Variants in RAI1 observed in about 807,000 individuals in gnomAD.
The protein encoded by RAI1 is retinoic acid-induced protein 1.
In RAI1, 9 loss-of-function variants were observed where a neutral mutation model predicts 123.8. The observed-to-expected ratio is 0.07, with a 90% CI of 0.04 to 0.13. RAI1 has a LOEUF of 0.13. Among genes scored for constraint, RAI1 ranks in the 10% least tolerant of loss-of-function variants. The probability of loss-of-function intolerance (pLI) is 1.00; values close to 1 mark genes in which losing one functional copy is unlikely to be tolerated. For synonymous variants in RAI1, 1,231 were observed against 1,127.3 expected (o/e 1.09, Z -1.84); for missense variants, 2,256 against 2,545.8 (o/e 0.89, Z 2.45).
At position 17,809,266 on chromosome 17, in the gene RAI1, G is replaced by A. The variant is rs2032657079; in HGVS notation, c.5660-124G>A. The A allele has an allele frequency of 1.2e-6, 1 of 854,448 alleles. No individual in the cohort carries two copies. Among genetic ancestry groups the A allele is most frequent in the Non-Finnish European group, 2.0e-6 (1 of 496,498 alleles). The allele number at this position is 854,448 out of a possible 1,614,324, so 52.9% of individuals were successfully genotyped here. On this transcript the variant is annotated intron_variant, in intron 4 of 5. Coordinates refer to ENST00000353383, the MANE Select transcript of RAI1 (RefSeq NM_030665.4). This position sits in a 1 kb window ranked among gnomAD's most constrained non-coding sequence, Gnocchi z 4.9. ...TTGTGCAGAATCTGATTAACTCTTT[G>A]AAAAGAGCCCCTGCAGTCTGGAGCC...
intron 2 of RAI1, among the ~76,000 whole-genome samples, chr17:17,725,009 G>A (rs1916035594): frequency 6.6e-6 from 1 of 152,142 alleles, no homozygotes; most frequent in African/African-American, 2.4e-5. Context: ...GGGGAGTGGG[G>A]TGGGGAGGAG....
Position 17,799,657 on chromosome 17 carries a change from CAG to C in RAI1, c.5565+1145_5565+1146del, listed in dbSNP as rs1030171385. Among the ~76,000 whole-genome samples the C allele has an allele frequency of 6.6e-6, 1 of 152,192 alleles. No individual in the cohort carries two copies. The highest frequency in any genetic ancestry group is 2.4e-5 in the African/African-American group (1 of 41,448). On this transcript the variant is annotated intron_variant, in intron 3 of 5. Transcript: ENST00000353383. This position sits in a 1 kb window ranked among gnomAD's most constrained non-coding sequence, Gnocchi z 4.5. ...AACCCACTATGTGCGGCTGAGGTCA[CAG>C]GGGAGCCAGAGGGGCTTGGCAGGGG...
At chr17:17,694,483 A>C (rs944680000) in intron 1 of RAI1, among the ~76,000 whole-genome samples, 1 of 152,032 alleles carries the variant, frequency 6.6e-6, no homozygotes, top group Non-Finnish European at 1.5e-5. Flanking sequence ...CCTCGAGGAA[A>C]GGCATAGGTA....
intron 2 of RAI1, among the ~76,000 whole-genome samples, chr17:17,743,453 G>A (rs935869333): frequency 2.6e-5 from 4 of 152,232 alleles, no homozygotes; most frequent in Admixed American, 6.5e-5. Flanking sequence ...AGGAACACAC[G>A]GTTCCAGAGG....
In RAI1 at chr17:17,809,099, G is replaced by C; in HGVS notation, c.5660-291G>C. On this transcript the variant is annotated intron_variant, in intron 4 of 5. Transcript: ENST00000353383. This position sits in a 1 kb window ranked among gnomAD's most constrained non-coding sequence, Gnocchi z 4.9. ...CAGAGTAAGGCGGGAGGGAGGGAGGGACTGAGGGACTGCCTCAAGTGAGGA... is the reference window on the plus strand; with the variant it reads ...CAGAGTAAGGCGGGAGGGAGGGAGGCACTGAGGGACTGCCTCAAGTGAGGA... 2.0e-6 allele frequency: 1 copy of C among 507,634 alleles called. No individual in the cohort carries two copies. The highest frequency in any genetic ancestry group is 3.6e-6 in the Non-Finnish European group (1 of 277,030). 31.4% of individuals were successfully genotyped at this position (507,634 alleles called of 1,614,324 possible). A position where few individuals can be genotyped will look rare whatever the true frequency, so the allele number is the denominator to read the frequency against.
intron 1 of RAI1, among the ~76,000 whole-genome samples, chr17:17,694,383 C>A (rs1816167890): frequency 6.6e-6 from 1 of 152,014 alleles, no homozygotes; most frequent in Non-Finnish European, 1.5e-5. Context: ...GAGGGAGGGG[C>A]ATCTTTTCTG....
chr17:17,721,577 A>G (rs1433862120), intron 1 of RAI1, among the ~76,000 whole-genome samples: 3 of 152,212 alleles, frequency 2.0e-5, no homozygotes, highest in Non-Finnish European at 4.4e-5. Flanking sequence ...GTGGGCTGTC[A>G]TCAACCACCT....
At chr17:17,766,793 GGT>G (rs541110012) in intron 2 of RAI1, among the ~76,000 whole-genome samples, 63 of 152,368 alleles carry the variant, frequency 4.1e-4, no homozygotes, top group African/African-American at 1.5e-3. Flanking sequence ...AGACAGCAAA[GGT>G]GTGGAGGCAG....
rs1434084074 is a variant in RAI1, at chr17:17,795,418, G to A, written c.2470G>A (p.Gly824Arg). Residue 824 changes from glycine to arginine, a missense_variant, in exon 3 of 6, where the codon GGG becomes AGG. Physicochemically the swap from Gly to Arg is moderately radical, Grantham distance 125. Around this residue, in one of 7 missense-constraint regions of RAI1, gnomAD observed 566 missense variants for 616.0 expected, o/e 0.92. Coordinates refer to ENST00000353383, the MANE Select transcript of RAI1 (RefSeq NM_030665.4). This position sits in a 1 kb window ranked among gnomAD's most constrained non-coding sequence, Gnocchi z 5.9. ...GGGTGGGGTGAAGGAGGAGGCAGGT[G>A]GGCTGCTGCAGTGCCCCGAGGTGGC... ...EVGGVKEEAG[G>R]LLQCPEVAKA... 1 of 1,590,564 alleles carries A rather than the reference G, an allele frequency of 6.3e-7. No individual in the cohort carries two copies. Among genetic ancestry groups the A allele is most frequent in the Non-Finnish European group, 8.6e-7 (1 of 1,166,298 alleles).
intron 1 of RAI1, among the ~76,000 whole-genome samples, chr17:17,713,414 C>T (rs1179688612): frequency 6.6e-6 from 1 of 152,048 alleles, no homozygotes; most frequent in African/African-American, 2.4e-5. Flanking sequence ...CCGAGGTGCA[C>T]GGATCACCTG....
chr17:17,784,259 C>T (rs2031738392), intron 2 of RAI1, among the ~76,000 whole-genome samples: 2 of 152,192 alleles, frequency 1.3e-5, no homozygotes, highest in Admixed American at 6.5e-5. Context: ...GCTGTGCCTC[C>T]CCGGCTGTCA....
At chr17:17,768,501 G>A (rs1162723072) in intron 2 of RAI1, among the ~76,000 whole-genome samples, 2 of 152,200 alleles carry the variant, frequency 1.3e-5, no homozygotes, top group African/African-American at 4.8e-5. Flanking sequence ...TTGGTTCAGA[G>A]GAGAACAGTA....
chr17:17,757,228 G>A (rs987215391), intron 2 of RAI1, among the ~76,000 whole-genome samples: 1 of 152,210 alleles, frequency 6.6e-6, no homozygotes, highest in Non-Finnish European at 1.5e-5. Flanking sequence ...CCCTGGGCCT[G>A]GCTTCTCTGG....
At chr17:17,780,255 G>A (rs1158240902) in intron 2 of RAI1, among the ~76,000 whole-genome samples, 2 of 151,832 alleles carry the variant, frequency 1.3e-5, no homozygotes, top group South Asian at 2.1e-4. Context: ...TAGTAGAGAC[G>A]GGGTTTCAAC....
chr17:17,709,567 T>G (rs575325295), intron 1 of RAI1, among the ~76,000 whole-genome samples: 47 of 152,322 alleles, frequency 3.1e-4, no homozygotes, highest in African/African-American at 1.1e-3. Context: ...AGTTCCAGCC[T>G]GGGCAGCTGC....
rs186227734 is a variant in RAI1, at chr17:17,707,326, A to G, written c.-148-16702A>G. ...AAAAGAAGATAGATGTAGTGAGAAA[A>G]AAAAGTAGGTGGGGAAGGGGCTCAG... On this transcript the variant is annotated intron_variant, in intron 1 of 5. Transcript: ENST00000353383. Among the ~76,000 whole-genome samples the G allele has an allele frequency of 3.3e-5, 5 of 152,272 alleles. No individual in the cohort carries two copies. In the East Asian group the frequency reaches 9.6e-4, roughly 29 times the overall value.
chr17:17,750,211 G>C (rs959380712), intron 2 of RAI1, among the ~76,000 whole-genome samples: 2 of 152,236 alleles, frequency 1.3e-5, no homozygotes, highest in African/African-American at 4.8e-5. Flanking sequence ...ACAGGTTTTC[G>C]TGACTCCAAA....
At chr17:17,702,993 T>G (rs1915276726) in intron 1 of RAI1, among the ~76,000 whole-genome samples, 1 of 152,218 alleles carries the variant, frequency 6.6e-6, no homozygotes, top group Admixed American at 6.5e-5. Context: ...CCTTTCAACT[T>G]CATCTCTCTG....
At chr17:17,742,571 G>T (rs1213961475) in intron 2 of RAI1, among the ~76,000 whole-genome samples, 1 of 152,186 alleles carries the variant, frequency 6.6e-6, no homozygotes, top group Non-Finnish European at 1.5e-5. Context: ...TGGAAACTTT[G>T]CCAAAAATAA....
Sources: allele counts gnomAD v4.1 joint callset (sites outside exome capture counted in the v4.1 genomes callset), GRCh38; gene constraint gnomAD v4.1.1; regional missense constraint gnomAD v4.1.1; non-coding constraint Gnocchi (gnomAD v3.1); transcripts MANE v1.5; gene names NCBI Gene and HGNC (gene_info 2026-07-23, HGNC 2026-07-21).